FTCDNL1: variants seen among roughly 807,000 people sequenced by gnomAD.
The protein encoded by FTCDNL1 is formiminotransferase cyclodeaminase N-terminal like, also known as formiminotransferase N-terminal subdomain-containing protein.
FTCDNL1 carries 11 observed loss-of-function variants against 5.9 expected under a neutral mutation model. That is an observed-to-expected ratio of 1.87 (90% CI 1.18 to 3.10). FTCDNL1 has a LOEUF of 3.10. FTCDNL1 is among the 30% of genes most tolerant of loss of function. The probability of loss-of-function intolerance (pLI) is 0.00; values close to 1 mark genes in which losing one functional copy is unlikely to be tolerated. For synonymous variants in FTCDNL1, 58 were observed against 24.8 expected, an observed-to-expected ratio of 2.34 and a Z score of -3.99; for missense variants, 115 against 65.5, an observed-to-expected ratio of 1.76 and a Z score of -2.61.
intron 3 of FTCDNL1, among the ~76,000 whole-genome samples, chr2:199,833,262 GTGTCCAGTTTCAAATTCTTA>G (rs1290345257): frequency 6.6e-6 from 1 of 152,112 alleles, no homozygotes; most frequent in Non-Finnish European, 1.5e-5. Context: ...ATGAGCCAGT[GTGTCCAGTTTCAAATTCTTA>G]TCCTGCCCAC....
At chr2:199,766,160 A>G (rs1166617724) in intron 3 of FTCDNL1, among the ~76,000 whole-genome samples, 1 of 152,252 alleles carries the variant, frequency 6.6e-6, no homozygotes, top group Non-Finnish European at 1.5e-5. Flanking sequence ...AATGCAATAA[A>G]GTGGCATTAT....
chr2:199,690,094 T>A, the FTCDNL1 span, among the ~76,000 whole-genome samples: 1 of 152,176 alleles, frequency 6.6e-6, no homozygotes, highest in Non-Finnish European at 1.5e-5. Flanking sequence ...TATTTCTAAA[T>A]ACATATATGT....
the FTCDNL1 span, among the ~76,000 whole-genome samples, chr2:199,678,105 C>T: frequency 3.9e-5 from 6 of 152,056 alleles, no homozygotes; most frequent in East Asian, 1.9e-4. Flanking sequence ...AAAACAGAGT[C>T]GCTTTGGGTT....
At chr2:199,834,758 A>G (rs1198559880) in intron 3 of FTCDNL1, among the ~76,000 whole-genome samples, 4 of 152,300 alleles carry the variant, frequency 2.6e-5, no homozygotes, top group East Asian at 3.9e-4. Flanking sequence ...ACCTACCCCA[A>G]TACTCTTATT....
At chr2:199,818,239 T>C (rs991606554) in intron 4 of FTCDNL1, 8 of 152,144 alleles carry the variant, frequency 5.3e-5, no homozygotes, top group Non-Finnish European at 8.8e-5. Flanking sequence ...TTTCTGAAAA[T>C]TTAGTCATAA....
At chr2:199,685,008 A>G in the FTCDNL1 span, among the ~76,000 whole-genome samples, 2 of 151,536 alleles carry the variant, frequency 1.3e-5, no homozygotes, top group African/African-American at 4.8e-5. Flanking sequence ...TATGATGATC[A>G]TTTCGTTAAA....
At chr2:199,702,787 G>C in the FTCDNL1 span, among the ~76,000 whole-genome samples, 1 of 152,192 alleles carries the variant, frequency 6.6e-6, no homozygotes, top group African/African-American at 2.4e-5. Flanking sequence ...AACATAGCCA[G>C]GGAAGGCCTT....
chr2:199,785,831 T>C (rs1699614824), intron 3 of FTCDNL1, among the ~76,000 whole-genome samples: 1 of 152,144 alleles, frequency 6.6e-6, no homozygotes, highest in African/African-American at 2.4e-5. Flanking sequence ...AGAACAATGA[T>C]GTCCTAAATC....
chr2:199,753,851 T>A, the FTCDNL1 span, among the ~76,000 whole-genome samples: 10 of 152,194 alleles, frequency 6.6e-5, no homozygotes, highest in Non-Finnish European at 1.5e-4. Flanking sequence ...CCTCCAAGGA[T>A]CTGAGGATAC....
the FTCDNL1 span, among the ~76,000 whole-genome samples, chr2:199,701,659 A>G: frequency 6.6e-6 from 1 of 152,210 alleles, no homozygotes; most frequent in African/African-American, 2.4e-5. Flanking sequence ...CTTCACAGCA[A>G]CATGGTTGCA....
At chr2:199,714,486 T>C in the FTCDNL1 span, among the ~76,000 whole-genome samples, 2 of 151,622 alleles carry the variant, frequency 1.3e-5, no homozygotes, top group African/African-American at 4.8e-5. Flanking sequence ...CTAAGAGAAG[T>C]TGGGGGAAGA....
At chr2:199,754,184 A>G in the FTCDNL1 span, among the ~76,000 whole-genome samples, 1,217 of 152,258 alleles carry the variant, frequency 8.0e-3, 12 homozygotes, top group Non-Finnish European at 0.011. Flanking sequence ...AAATAATACA[A>G]TTCGTAGCTG....
the FTCDNL1 span, among the ~76,000 whole-genome samples, chr2:199,724,979 G>T: frequency 1.3e-5 from 2 of 152,070 alleles, no homozygotes; most frequent in Admixed American, 1.3e-4. Context: ...TGACAACAAG[G>T]TGTTAAAGTC....
At chr2:199,732,216 G>GAA in the FTCDNL1 span, among the ~76,000 whole-genome samples, 1 of 151,982 alleles carries the variant, frequency 6.6e-6, no homozygotes, top group Non-Finnish European at 1.5e-5. Context: ...TCACCTCCTT[G>GAA]AAACTCTCTT....
intron 3 of FTCDNL1, among the ~76,000 whole-genome samples, chr2:199,843,452 T>C (rs866494603): frequency 1.1e-4 from 17 of 152,226 alleles, no homozygotes; most frequent in African/African-American, 4.1e-4. Flanking sequence ...TGCTGAATTT[T>C]AACTCTTTCT....
intron 3 of FTCDNL1, among the ~76,000 whole-genome samples, chr2:199,773,758 C>A (rs1345713152): frequency 6.6e-6 from 1 of 152,206 alleles, no homozygotes; most frequent in Non-Finnish European, 1.5e-5. Flanking sequence ...CTGTGTGGGT[C>A]ACATCCCCCC....
At chr2:199,787,336 C>A (rs60511256) in intron 3 of FTCDNL1, among the ~76,000 whole-genome samples, 1 of 152,028 alleles carries the variant, frequency 6.6e-6, no homozygotes, top group Admixed American at 6.5e-5. Context: ...GCGCACACTA[C>A]CACGCCCAGC....
At position 199,812,666 on chromosome 2, in the gene FTCDNL1, C is replaced by T; in HGVS notation, c.*39G>A. 1 of 697,636 alleles carries T rather than the reference C, an allele frequency of 1.4e-6. No individual in the cohort carries two copies. The highest frequency in any genetic ancestry group is 2.6e-6 in the Non-Finnish European group (1 of 383,080). The allele number at this position is 697,636 out of a possible 1,614,324, so 43.2% of individuals were successfully genotyped here. Reference sequence around the variant, plus strand: ...TCTGGTGGCAGCACGGATCCCCTCACTGCAAGGCTGAAATTCCAATTTTCT... The same window carrying T: ...TCTGGTGGCAGCACGGATCCCCTCATTGCAAGGCTGAAATTCCAATTTTCT... On this transcript the variant is annotated 3_prime_UTR_variant, in exon 5 of 5. Coordinates refer to ENST00000420128, the MANE Select transcript of FTCDNL1 (RefSeq NM_001363886.2).
At chr2:199,842,343 G>A (rs2076612943) in intron 3 of FTCDNL1, among the ~76,000 whole-genome samples, 1 of 152,050 alleles carries the variant, frequency 6.6e-6, no homozygotes, top group African/African-American at 2.4e-5. Flanking sequence ...AACATTCCCA[G>A]GAATGTGTTT....
Sources: gnomAD v4.1 joint callset for allele counts (sites outside exome capture counted in the v4.1 genomes callset) on GRCh38, gnomAD v4.1.1 for gene constraint, MANE v1.5 for transcripts, NCBI Gene and HGNC (gene_info 2026-07-23, HGNC 2026-07-21) for gene names.